Variants in CCSER1 observed in about 807,000 individuals in gnomAD.
The protein encoded by CCSER1 is coiled-coil serine rich protein 1.
A neutral mutation model predicts 82.0 loss-of-function variants in CCSER1; 41 were observed. The observed-to-expected ratio is 0.50, with a 90% confidence interval of 0.39 to 0.65. CCSER1 has a LOEUF of 0.65. Among genes scored for constraint, CCSER1 ranks in the 30% least tolerant of loss-of-function variants. The pLI, the probability that CCSER1 is intolerant of heterozygous loss-of-function variation, is 0.00. For missense variants in CCSER1, 1,119 were observed against 1,064.2 expected, an observed-to-expected ratio of 1.05 and a Z score of -0.72; for synonymous variants, 414 against 383.9, an observed-to-expected ratio of 1.08 and a Z score of -0.92.
intron 3 of CCSER1, among the ~76,000 whole-genome samples, chr4:90,332,671 CTG>C (rs780445503): frequency 6.6e-6 from 1 of 152,078 alleles, no homozygotes; most frequent in Non-Finnish European, 1.5e-5. Context: ...CCTTCTGTCT[CTG>C]TGATAAAACA....
intron 7 of CCSER1, among the ~76,000 whole-genome samples, chr4:90,757,797 GT>G (rs5860203): frequency 0.26 from 39,564 of 151,940 alleles, 5,855 homozygotes; most frequent in East Asian, 0.34. Flanking sequence ...AGACTGTGGA[GT>G]TTTTTTCTTT....
At chr4:90,533,344 C>T (rs1462946884) in intron 5 of CCSER1, among the ~76,000 whole-genome samples, 1 of 152,128 alleles carries the variant, frequency 6.6e-6, no homozygotes, top group Non-Finnish European at 1.5e-5. Flanking sequence ...ACCCGCCCGC[C>T]TTGGCCTCCC....
chr4:90,215,003 G>A (rs1740766575), intron 1 of CCSER1, among the ~76,000 whole-genome samples: 1 of 152,146 alleles, frequency 6.6e-6, no homozygotes, highest in African/African-American at 2.4e-5. Flanking sequence ...GAAGAAAGAT[G>A]AGTATGAATT....
At chr4:90,890,339 C>G (rs1428889306) in intron 8 of CCSER1, among the ~76,000 whole-genome samples, 2 of 152,120 alleles carry the variant, frequency 1.3e-5, no homozygotes, top group African/African-American at 4.8e-5. Flanking sequence ...AACTCCTATC[C>G]GGATAAATTG....
At chr4:91,216,707 A>G (rs553583076) in intron 10 of CCSER1, among the ~76,000 whole-genome samples, 14 of 152,208 alleles carry the variant, frequency 9.2e-5, no homozygotes, top group Admixed American at 3.3e-4. Flanking sequence ...TTCCTATATT[A>G]TTTTACCCTG....
intron 4 of CCSER1, among the ~76,000 whole-genome samples, chr4:90,455,514 A>G (rs1762051148): frequency 6.6e-6 from 1 of 152,208 alleles, no homozygotes; most frequent in African/African-American, 2.4e-5. Flanking sequence ...TTGGTTACCC[A>G]TCAGGAAAGA....
At chr4:90,666,203 T>C (rs1379807781) in intron 6 of CCSER1, among the ~76,000 whole-genome samples, 1 of 152,128 alleles carries the variant, frequency 6.6e-6, no homozygotes, top group Non-Finnish European at 1.5e-5. Context: ...TATATGATTA[T>C]ATTAAGTCTA....
chr4:91,154,500 G>A (rs1054652329), intron 10 of CCSER1, among the ~76,000 whole-genome samples: 5 of 151,918 alleles, frequency 3.3e-5, no homozygotes, highest in Non-Finnish European at 1.5e-5. Flanking sequence ...TCCTGCTCCT[G>A]CTCCTGGTCC....
intron 10 of CCSER1, among the ~76,000 whole-genome samples, chr4:91,157,455 G>A (rs902948111): frequency 6.6e-6 from 1 of 151,742 alleles, no homozygotes; most frequent in African/African-American, 2.4e-5. Context: ...TTTTCCAATA[G>A]TATCTTTCTT....
intron 10 of CCSER1, among the ~76,000 whole-genome samples, chr4:91,585,431 A>C (rs1001566019): frequency 1.3e-5 from 2 of 151,450 alleles, no homozygotes; most frequent in African/African-American, 4.8e-5. Context: ...TGGGAGAAAA[A>C]TTTGACACAA....
In CCSER1 at chr4:90,900,484, TTGTA is replaced by T. The variant is rs1724470222; in HGVS notation, c.2095-22882_2095-22879del. 2.0e-5 allele frequency among the ~76,000 whole-genome samples: 3 copies of T among 152,152 alleles called. No individual in the cohort carries two copies. The South Asian group carries it at 6.2e-4, about 32-fold the overall frequency. On this transcript the variant is annotated intron_variant, in intron 8 of 10. Transcript: ENST00000509176. ...TGCTTTTTCTGTGTCACAGAAGTGT[TTGTA>T]TGTTGTGTCTCTATTTTCATTTGTT...
chr4:90,313,146 C>T, intron 3 of CCSER1, 99 bp downstream of exon 3: 2 of 998,346 alleles, frequency 2.0e-6, no homozygotes, highest in Non-Finnish European at 3.0e-6. Flanking sequence ...AGGATAGACA[C>T]CTCATATTTG....
intron 9 of CCSER1, among the ~76,000 whole-genome samples, chr4:91,058,511 TA>T (rs1258532738): frequency 6.6e-6 from 1 of 152,038 alleles, no homozygotes; most frequent in Non-Finnish European, 1.5e-5. Context: ...GTTCTTAATT[TA>T]AAAAATAGTA....
intron 5 of CCSER1, among the ~76,000 whole-genome samples, chr4:90,485,064 C>T (rs1766781430): frequency 6.6e-6 from 1 of 152,238 alleles, no homozygotes; most frequent in Admixed American, 6.5e-5. Context: ...CTGCTCTAGC[C>T]TGAGCAATGG....
intron 10 of CCSER1, among the ~76,000 whole-genome samples, chr4:91,199,466 G>A (rs1029780236): frequency 6.6e-6 from 1 of 152,034 alleles, no homozygotes; most frequent in African/African-American, 2.4e-5. Flanking sequence ...CAGTTAGCAC[G>A]AATGCATTTT....
chr4:91,183,585 C>T (rs867386758), intron 10 of CCSER1, among the ~76,000 whole-genome samples: 8 of 152,148 alleles, frequency 5.3e-5, no homozygotes, highest in South Asian at 4.2e-4. Flanking sequence ...TTTAACAATC[C>T]GAGTTCTCCC....
At chr4:90,655,675 G>GT (rs1729575534) in intron 6 of CCSER1, among the ~76,000 whole-genome samples, 2 of 151,884 alleles carry the variant, frequency 1.3e-5, no homozygotes, top group Admixed American at 1.3e-4. Context: ...ACATGTCCTA[G>GT]TTTGGGTAGT....
chr4:91,529,996 C>A (rs1516700), intron 10 of CCSER1, among the ~76,000 whole-genome samples: 34,754 of 151,990 alleles, frequency 0.23, 4,176 homozygotes, highest in East Asian at 0.43. Context: ...GTGCTGAACA[C>A]TGAAACTTGT....
At chr4:91,554,855 A>C (rs1762330348) in intron 10 of CCSER1, among the ~76,000 whole-genome samples, 1 of 151,290 alleles carries the variant, frequency 6.6e-6, no homozygotes, top group Non-Finnish European at 1.5e-5. Flanking sequence ...CAATGAAACA[A>C]AATAGAGGGC....
Sources: allele counts gnomAD v4.1 joint callset (sites outside exome capture counted in the v4.1 genomes callset), GRCh38; gene constraint gnomAD v4.1.1; transcripts MANE v1.5; gene names NCBI Gene and HGNC (gene_info 2026-07-23, HGNC 2026-07-21).